Variants in RBMS3 observed in about 807,000 individuals in gnomAD.
RBMS3 encodes RNA binding motif single stranded interacting protein 3, also known as RNA-binding motif, single-stranded-interacting protein 3.
In RBMS3, 27 loss-of-function variants were observed where a neutral mutation model predicts 66.8. That is an observed-to-expected ratio of 0.40 (90% confidence interval 0.30 to 0.56). The LOEUF is 0.56. RBMS3 is among the 20% of genes least tolerant of loss of function. The probability of loss-of-function intolerance (pLI) is 0.40; values close to 1 mark genes in which losing one functional copy is unlikely to be tolerated. For missense variants in RBMS3, 513 were observed against 549.5 expected (o/e 0.93, Z 0.66); for synonymous variants, 188 against 183.0 (o/e 1.03, Z -0.22).
chr3:29,735,882 T>C (rs2054358070), intron 4 of RBMS3, among the ~76,000 whole-genome samples: 1 of 152,186 alleles, frequency 6.6e-6, no homozygotes, highest in South Asian at 2.1e-4. Context: ...ATCTGTTAGA[T>C]AACAAGATTG....
chr3:29,445,611 T>C (rs2125748078), intron 2 of RBMS3, among the ~76,000 whole-genome samples: 1 of 152,186 alleles, frequency 6.6e-6, no homozygotes, highest in African/African-American at 2.4e-5. Flanking sequence ...AAGAAACTGT[T>C]GGTGAAAAAA....
intron 12 of RBMS3, among the ~76,000 whole-genome samples, chr3:29,986,753 GC>G (rs1170155618): frequency 6.6e-6 from 1 of 152,072 alleles, no homozygotes; most frequent in Non-Finnish European, 1.5e-5. Context: ...GACCAGCTTG[GC>G]CAATATGGCA....
At chr3:29,729,262 T>A (rs1268508171) in intron 4 of RBMS3, among the ~76,000 whole-genome samples, 1 of 151,784 alleles carries the variant, frequency 6.6e-6, no homozygotes, top group African/African-American at 2.4e-5. Flanking sequence ...TGTTCCTGTG[T>A]TAGTTTGCTG....
rs1294126975 is a variant in RBMS3 at position 29,691,949 on chromosome 3, A to ATTTTTTTTTTTTTTTTTTTT, written c.400-47753_400-47752insTTTTTTTTTTTTTTTTTTTT. Among the ~76,000 whole-genome samples the ATTTTTTTTTTTTTTTTTTTT allele has an allele frequency of 5.3e-3, 344 of 64,930 alleles. 70 individuals are homozygous for ATTTTTTTTTTTTTTTTTTTT. The highest frequency in any genetic ancestry group is 6.3e-3 in the Admixed American group (34 of 5,434). The allele number at this position is 64,930 out of a possible 152,430, so 42.6% of individuals were successfully genotyped here. A position where few individuals can be genotyped will look rare whatever the true frequency, so the allele number is the denominator to read the frequency against. ...GTGACCCTTCTCTCTCTCTCTCTCT[A>ATTTTTTTTTTTTTTTTTTTT]TTTTTTTTTTTTTTTTTTGAGATGG... On this transcript the variant is annotated intron_variant, in intron 4 of 14. Transcript: ENST00000383767.
At chr3:29,754,399 T>G (rs2055317472) in intron 5 of RBMS3, among the ~76,000 whole-genome samples, 1 of 152,176 alleles carries the variant, frequency 6.6e-6, no homozygotes, top group Non-Finnish European at 1.5e-5. Context: ...TCCAACCATG[T>G]TGTGGCAGGA....
intron 1 of RBMS3, among the ~76,000 whole-genome samples, chr3:29,424,034 C>G (rs2040849408): frequency 6.6e-6 from 1 of 152,166 alleles, no homozygotes; most frequent in East Asian, 1.9e-4. Context: ...GCATAAAGCT[C>G]TTAGAATTGT....
chr3:29,862,295 C>A (rs2059234754), intron 6 of RBMS3, among the ~76,000 whole-genome samples: 1 of 152,156 alleles, frequency 6.6e-6, no homozygotes, highest in Non-Finnish European at 1.5e-5. Flanking sequence ...GAGTCCAGTG[C>A]TGCTGGGTTC....
At chr3:29,760,642 A>T (rs966042796) in intron 5 of RBMS3, among the ~76,000 whole-genome samples, 5 of 146,786 alleles carry the variant, frequency 3.4e-5, no homozygotes, top group Non-Finnish European at 7.5e-5. Flanking sequence ...TCTTCCTGGA[A>T]ATGGAAATTT....
rs189078853 is a variant in RBMS3 at position 29,363,007 on chromosome 3, C to T, written c.76-71736C>T. 2.6e-5 allele frequency among the ~76,000 whole-genome samples: 4 copies of T among 152,240 alleles called. No homozygotes were observed. The East Asian group carries it at 7.7e-4, about 29-fold the overall frequency. On this transcript the variant is annotated intron_variant, in intron 1 of 14. Transcript: ENST00000383767. ...TTTGGGTTGAGTAGAAATTTTGCCCCTCTCATCTGTCCATAAGGTTGGCCT... is the reference window on the plus strand; with the variant it reads ...TTTGGGTTGAGTAGAAATTTTGCCCTTCTCATCTGTCCATAAGGTTGGCCT...
intron 4 of RBMS3, among the ~76,000 whole-genome samples, chr3:29,611,021 C>T (rs535768978): frequency 7.9e-5 from 12 of 152,024 alleles, no homozygotes; most frequent in African/African-American, 2.4e-4. Context: ...TGAGATACTT[C>T]CATTTGTGGT....
chr3:29,599,656 A>C (rs571555130), intron 4 of RBMS3, among the ~76,000 whole-genome samples: 66 of 152,230 alleles, frequency 4.3e-4, no homozygotes, highest in African/African-American at 1.5e-3. Context: ...AACTAAATTT[A>C]AAAATAAAAA....
intron 6 of RBMS3, among the ~76,000 whole-genome samples, chr3:29,792,816 A>G (rs2057055562): frequency 6.6e-6 from 1 of 152,262 alleles, no homozygotes; most frequent in African/African-American, 2.4e-5. Flanking sequence ...GATAAAATAA[A>G]ACATATGGAT....
chr3:29,441,457 C>T (rs1365506001), intron 2 of RBMS3, among the ~76,000 whole-genome samples: 2 of 152,114 alleles, frequency 1.3e-5, no homozygotes, highest in Non-Finnish European at 2.9e-5. Flanking sequence ...TTCAAAACTT[C>T]CCTATGAAGT....
intron 3 of RBMS3, among the ~76,000 whole-genome samples, chr3:29,497,589 A>G (rs1576014722): frequency 6.6e-6 from 1 of 152,156 alleles, no homozygotes; most frequent in African/African-American, 2.4e-5. Flanking sequence ...CACCTTCTCA[A>G]AAAGTCCTCC....
At chr3:29,482,684 A>G (rs888107782) in intron 2 of RBMS3, among the ~76,000 whole-genome samples, 3 of 107,728 alleles carry the variant, frequency 2.8e-5, no homozygotes, top group Non-Finnish European at 5.9e-5. Context: ...ACAGTCTACC[A>G]TTTTCTTTCT....
At chr3:29,778,691 T>C (rs115142298) in intron 6 of RBMS3, among the ~76,000 whole-genome samples, 3,203 of 151,948 alleles carry the variant, frequency 0.021, 109 homozygotes, top group African/African-American at 0.073. Flanking sequence ...CCATGAGCAG[T>C]TACTTAACCC....
intron 4 of RBMS3, among the ~76,000 whole-genome samples, chr3:29,587,837 A>T (rs9869243): frequency 6.6e-6 from 1 of 152,032 alleles, no homozygotes; most frequent in African/African-American, 2.4e-5. Context: ...ATTAAGTATC[A>T]TTAAATAGAA....
intron 3 of RBMS3, among the ~76,000 whole-genome samples, chr3:29,576,472 A>G (rs1418333167): frequency 1.3e-5 from 2 of 152,052 alleles, no homozygotes; most frequent in East Asian, 3.9e-4. Context: ...GCCCACTCTA[A>G]CCACTACCTG....
At chr3:29,301,794 T>A (rs563698345) in intron 1 of RBMS3, among the ~76,000 whole-genome samples, 3 of 152,142 alleles carry the variant, frequency 2.0e-5, no homozygotes, top group South Asian at 2.1e-4. Flanking sequence ...GATTTATGTT[T>A]CTTTCTTCTG....
Sources: allele counts gnomAD v4.1 joint callset (sites outside exome capture counted in the v4.1 genomes callset), GRCh38; gene constraint gnomAD v4.1.1; transcripts MANE v1.5; gene names NCBI Gene and HGNC (gene_info 2026-07-23, HGNC 2026-07-21).